Variants in RNF6 observed in about 807,000 individuals in gnomAD.
The protein encoded by RNF6 is E3 ubiquitin-protein ligase RNF6.
RNF6 carries 21 observed loss-of-function variants against 50.1 expected under a neutral mutation model. That is an observed-to-expected ratio of 0.42 (90% CI 0.30 to 0.60). RNF6 has a LOEUF of 0.60. Ranked by LOEUF, RNF6 falls within the 20% of genes least tolerant of loss-of-function variation. RNF6 has a pLI of 0.20. For missense variants in RNF6, 698 were observed against 838.2 expected, an observed-to-expected ratio of 0.83 and a Z score of 2.07; for synonymous variants, 255 against 291.8, an observed-to-expected ratio of 0.87 and a Z score of 1.29.
Position 26,145,445 on chromosome 13 carries a change from TGG to T in RNF6, n.769-12996_769-12995del, listed in dbSNP as rs71188712. The stretch of plus-strand genomic sequence containing the variant: ...GGCCTAGTAGGAGGTGACTGAATCA[TGG>T]GGAGGGGGGGGGACTTCCCCCTTAC... On this transcript the variant is annotated intron_variant and non_coding_transcript_variant, in intron 5 of 5. Transcript: ENST00000468480. 3.8e-4 allele frequency among the ~76,000 whole-genome samples: 18 copies of T among 46,768 alleles called. 1 individual carries two copies. The highest frequency in any genetic ancestry group is 1.4e-3 in the African/African-American group (14 of 9,762). 30.7% of individuals were successfully genotyped at this position (46,768 alleles called of 152,430 possible). A position where few individuals can be genotyped will look rare whatever the true frequency, so the allele number is the denominator to read the frequency against.
intron 5 of RNF6, among the ~76,000 whole-genome samples, chr13:26,171,074 TA>T (rs1255900855): frequency 1.3e-5 from 2 of 152,106 alleles, no homozygotes. Flanking sequence ...TCATCAAAAT[TA>T]AAAACTTTGG....
At chr13:26,163,898 A>C (rs781266395) in intron 5 of RNF6, among the ~76,000 whole-genome samples, 37 of 152,284 alleles carry the variant, frequency 2.4e-4, no homozygotes, top group Non-Finnish European at 5.9e-5. Context: ...AGGGCAAATT[A>C]TATGCTTTTT....
downstream of RNF6, among the ~76,000 whole-genome samples, chr13:26,211,577 T>C (rs748395199): frequency 1.1e-4 from 17 of 152,162 alleles, no homozygotes; most frequent in Admixed American, 2.0e-4. Flanking sequence ...GCCAACATGG[T>C]GAAACCCTGT....
At chr13:26,178,849 T>C (rs1213522106) in intron 5 of RNF6, among the ~76,000 whole-genome samples, 1 of 152,152 alleles carries the variant, frequency 6.6e-6, no homozygotes, top group Non-Finnish European at 1.5e-5. Context: ...GAGTTTTGAC[T>C]ATTTTAGATC....
At chr13:26,179,169 G>T (rs969976564) in intron 5 of RNF6, among the ~76,000 whole-genome samples, 1 of 151,846 alleles carries the variant, frequency 6.6e-6, no homozygotes, top group Non-Finnish European at 1.5e-5. Flanking sequence ...GTTCTGTAAG[G>T]GTTCTTGACT....
At chr13:26,151,278 T>A (rs1871574554) in intron 5 of RNF6, among the ~76,000 whole-genome samples, 1 of 151,886 alleles carries the variant, frequency 6.6e-6, no homozygotes, top group Admixed American at 6.6e-5. Flanking sequence ...TTTTTTTTTT[T>A]ATGAGACAGA....
intron 5 of RNF6, among the ~76,000 whole-genome samples, chr13:26,183,113 C>T (rs1163026382): frequency 5.3e-5 from 8 of 152,192 alleles, no homozygotes; most frequent in Admixed American, 5.2e-4. Flanking sequence ...TGTGTTTGAA[C>T]ACTGAACTAT....
intron 5 of RNF6, among the ~76,000 whole-genome samples, chr13:26,165,757 A>C (rs2137620043): frequency 6.6e-6 from 1 of 152,276 alleles, no homozygotes; most frequent in African/African-American, 2.4e-5. Context: ...TATTTCTCCC[A>C]TTTGGAATGG....
intron 5 of RNF6, among the ~76,000 whole-genome samples, chr13:26,206,266 A>G (rs1444110189): frequency 6.7e-6 from 1 of 149,078 alleles, no homozygotes; most frequent in Non-Finnish European, 1.5e-5. Flanking sequence ...ATGCAGTGAG[A>G]GACAAGACAA....
At chr13:26,144,632 C>A (rs769015500) in intron 5 of RNF6, among the ~76,000 whole-genome samples, 1 of 152,188 alleles carries the variant, frequency 6.6e-6, no homozygotes, top group South Asian at 2.1e-4. Flanking sequence ...TTCAAGGATG[C>A]CCCAGAAAGG....
At chr13:26,144,824 C>T (rs1022931426) in intron 5 of RNF6, 1 of 152,250 alleles carries the variant, frequency 6.6e-6, no homozygotes, top group Admixed American at 6.5e-5. Context: ...TGGGCCACTT[C>T]TTCATGTAAT....
rs754317579 is a variant in RNF6, at chr13:26,206,739, T to G, written n.768+8735A>C. On this transcript the variant is annotated intron_variant and non_coding_transcript_variant, in intron 5 of 5. Transcript: ENST00000468480. ...ACTATATACTGAAACTTCTATGCAT[T>G]TGCTTATTACATATATATTGAGGGA... Among the ~76,000 whole-genome samples, 76 of 152,202 alleles carry G rather than the reference T, an allele frequency of 5.0e-4. 1 individual carries two copies. Among genetic ancestry groups the G allele is most frequent in the Middle Eastern group, 3.4e-3 (1 of 294 alleles).
At chr13:26,189,632 T>C (rs1216107610) in intron 5 of RNF6, among the ~76,000 whole-genome samples, 1 of 152,214 alleles carries the variant, frequency 6.6e-6, no homozygotes, top group African/African-American at 2.4e-5. Context: ...GGGTAGAAAG[T>C]GATTTAGCTT....
rs969793681 is a variant in RNF6, at chr13:26,219,817, A to G, written c.-18-150T>C. 1.4e-5 allele frequency: 9 copies of G among 649,468 alleles called. No homozygotes were observed. The Admixed American group carries it at 2.1e-4, about 15-fold the overall frequency. The allele number at this position is 649,468 out of a possible 1,614,324, so 40.2% of individuals were successfully genotyped here. ...AAATCTTGCAGTGAGAAGCTTACAT[A>G]TAAAATGAAAAACAGCTTCTAGGAA... On this transcript the variant is annotated intron_variant, in intron 2 of 4. Coordinates refer to ENST00000381588, the MANE Select transcript of RNF6 (RefSeq NM_005977.4).
At chr13:26,144,986 A>G (rs891206682) in intron 5 of RNF6, 2 of 152,164 alleles carry the variant, frequency 1.3e-5, no homozygotes, top group African/African-American at 4.8e-5. Context: ...TATTTAGTGG[A>G]AGGAAAAGAT....
At chr13:26,178,591 CGTGTGTGTGTGTGTGTGTGTGT>C (rs3981342) in intron 5 of RNF6, among the ~76,000 whole-genome samples, 3 of 100,324 alleles carry the variant, frequency 3.0e-5, no homozygotes, top group Non-Finnish European at 6.0e-5. Context: ...CTGCCTGGTC[CGTGTGTGTGTGTGTGTGTGTGT>C]GTGTGTGTGT....
At chr13:26,166,333 T>A (rs1265944957) in intron 5 of RNF6, among the ~76,000 whole-genome samples, 2 of 152,136 alleles carry the variant, frequency 1.3e-5, no homozygotes, top group Non-Finnish European at 2.9e-5. Context: ...AAAAATGAAC[T>A]AATACAGAAG....
chr13:26,158,044 C>G (rs1348593308), intron 5 of RNF6, among the ~76,000 whole-genome samples: 3 of 151,520 alleles, frequency 2.0e-5, no homozygotes, highest in African/African-American at 7.3e-5. Context: ...GGACGGATAG[C>G]TAGAAAGACA....
intron 5 of RNF6, among the ~76,000 whole-genome samples, chr13:26,157,460 G>A (rs1566412873): frequency 6.6e-6 from 1 of 151,722 alleles, no homozygotes; most frequent in African/African-American, 2.4e-5. Context: ...TAACAACTGG[G>A]AAAAAAAGAT....
Sources: gnomAD v4.1 joint callset for allele counts (sites outside exome capture counted in the v4.1 genomes callset) on GRCh38, gnomAD v4.1.1 for gene constraint, MANE v1.5 for transcripts, NCBI Gene and HGNC (gene_info 2026-07-23, HGNC 2026-07-21) for gene names.